The following PLCL2 variants were observed in gnomAD, a reference collection of about 807,000 sequenced individuals.
PLCL2 encodes the protein inactive phospholipase C-like protein 2.
PLCL2 carries 4 observed loss-of-function variants against 79.6 expected under a neutral mutation model. That is an observed-to-expected ratio of 0.05 (90% confidence interval 0.02 to 0.11). The LOEUF (loss-of-function observed/expected upper bound fraction) is 0.11, where lower values mean the gene tolerates loss of function less well. Ranked by LOEUF, PLCL2 falls within the 10% of genes least tolerant of loss-of-function variation. The pLI, the probability that PLCL2 is intolerant of heterozygous loss-of-function variation, is 1.00. For synonymous variants in PLCL2, 484 were observed against 457.7 expected (o/e 1.06, Z -0.73); for missense variants, 895 against 1,291.0 (o/e 0.69, Z 4.70).
At chr3:16,974,636 G>A (rs1359484909) in intron 1 of PLCL2, among the ~76,000 whole-genome samples, 2 of 152,194 alleles carry the variant, frequency 1.3e-5, no homozygotes, top group East Asian at 1.9e-4. Flanking sequence ...CCAGACTTAT[G>A]TTTCCCAAAG....
At chr3:16,956,197 C>T (rs1326602620) in intron 1 of PLCL2, among the ~76,000 whole-genome samples, 2 of 151,904 alleles carry the variant, frequency 1.3e-5, no homozygotes, top group African/African-American at 4.8e-5. Context: ...TTTTGAGATA[C>T]GTCCCATCAA....
chr3:17,041,183 C>T (rs1022994576), intron 3 of PLCL2, among the ~76,000 whole-genome samples: 10 of 152,124 alleles, frequency 6.6e-5, no homozygotes, highest in Non-Finnish European at 8.8e-5. Context: ...CTGTTCAATA[C>T]GTCAAGCTGT....
At chr3:17,042,445 G>T (rs1164913590) in intron 3 of PLCL2, among the ~76,000 whole-genome samples, 1 of 152,182 alleles carries the variant, frequency 6.6e-6, no homozygotes, top group African/African-American at 2.4e-5. Flanking sequence ...CTGAATTTCA[G>T]ATGAAGACAT....
chr3:16,885,338 G>T lies in PLCL2; in HGVS notation c.299G>T (p.Gly100Val). Reference protein sequence around the residue: ...CTLPRESKPGGLPRRSSIIKD... With the variant: ...CTLPRESKPGVLPRRSSIIKD... Reference sequence around the variant, plus strand: ...CTCCCCCGGGAGAGCAAGCCGGGCGGCCTGCCCCGCCGGAGCAGCATCATC... The same window carrying T: ...CTCCCCCGGGAGAGCAAGCCGGGCGTCCTGCCCCGCCGGAGCAGCATCATC... Residue 100 changes from glycine to valine, a missense_variant, in exon 1 of 6, where the codon GGC becomes GTC. By Grantham distance (109) the Gly-to-Val change is moderately radical. Coordinates refer to ENST00000615277, the MANE Select transcript of PLCL2 (RefSeq NM_001144382.2). 3.1e-6 allele frequency: 2 copies of T among 654,106 alleles called. No homozygotes were observed. Among genetic ancestry groups the T allele is most frequent in the Non-Finnish European group, 2.8e-6 (1 of 362,274 alleles). 40.5% of individuals were successfully genotyped at this position (654,106 alleles called of 1,614,324 possible).
chr3:16,926,566 A>G (rs986103200), intron 1 of PLCL2, among the ~76,000 whole-genome samples: 1 of 152,196 alleles, frequency 6.6e-6, no homozygotes, highest in African/African-American at 2.4e-5. Flanking sequence ...GAAACTACTT[A>G]GAGACAAAGC....
chr3:16,989,003 C>T (rs1236207282), intron 1 of PLCL2, among the ~76,000 whole-genome samples: 2 of 147,200 alleles, frequency 1.4e-5, no homozygotes, highest in Admixed American at 6.9e-5. Context: ...ATGTCTATAA[C>T]AGAGCTGTTT....
At chr3:17,002,729 C>T (rs1029691052) in intron 1 of PLCL2, among the ~76,000 whole-genome samples, 2 of 152,122 alleles carry the variant, frequency 1.3e-5, no homozygotes, top group Admixed American at 6.5e-5. Context: ...TTTGTTTTCA[C>T]GTATGTTAGA....
intron 1 of PLCL2, among the ~76,000 whole-genome samples, chr3:16,942,635 A>G (rs1418974967): frequency 2.6e-5 from 4 of 152,056 alleles, no homozygotes; most frequent in Admixed American, 2.6e-4. Context: ...TCATTGTCCT[A>G]TTCTCTTTTT....
At chr3:17,069,970 G>A (rs550381251) in intron 5 of PLCL2, among the ~76,000 whole-genome samples, 2 of 152,164 alleles carry the variant, frequency 1.3e-5, no homozygotes, top group African/African-American at 4.8e-5. Context: ...GGTCAGAGGT[G>A]GGGGGTACAC....
chr3:16,957,983 A>G (rs1177274757), intron 1 of PLCL2, among the ~76,000 whole-genome samples: 3 of 152,196 alleles, frequency 2.0e-5, no homozygotes, highest in South Asian at 4.1e-4. Flanking sequence ...TCTTTATCCA[A>G]TTTGCCAGTC....
chr3:17,022,904 A>G (rs2064471380), intron 3 of PLCL2, among the ~76,000 whole-genome samples: 1 of 152,134 alleles, frequency 6.6e-6, no homozygotes, highest in Non-Finnish European at 1.5e-5. Flanking sequence ...TATTGCATTC[A>G]TTACGTTATT....
intron 1 of PLCL2, among the ~76,000 whole-genome samples, chr3:16,948,489 A>T (rs1031183056): frequency 5.3e-5 from 8 of 152,206 alleles, no homozygotes; most frequent in Non-Finnish European, 1.2e-4. Context: ...AAAGTCATTG[A>T]ATTGTACACT....
intron 1 of PLCL2, among the ~76,000 whole-genome samples, chr3:16,950,336 C>T (rs1201356848): frequency 6.6e-6 from 1 of 152,096 alleles, no homozygotes; most frequent in Non-Finnish European, 1.5e-5. Context: ...TCTTAACAGG[C>T]TTGCATACCA....
chr3:16,922,089 T>C (rs1262241868), intron 1 of PLCL2, among the ~76,000 whole-genome samples: 3 of 152,170 alleles, frequency 2.0e-5, no homozygotes, highest in African/African-American at 7.2e-5. Flanking sequence ...TTTTTAATAG[T>C]TATGAACTTT....
intron 1 of PLCL2, among the ~76,000 whole-genome samples, chr3:16,914,802 A>G (rs1450878435): frequency 6.6e-6 from 1 of 152,002 alleles, no homozygotes; most frequent in African/African-American, 2.4e-5. Flanking sequence ...AGTGGCATGA[A>G]CATAGCAGCC....
rs534706282 is a variant in PLCL2 at position 17,010,615 on chromosome 3, G to A, written c.1269G>A (p.Lys423=). The A allele has an allele frequency of 4.3e-6, 7 of 1,614,000 alleles. No individual in the cohort carries two copies. Among genetic ancestry groups the A allele is most frequent in the East Asian group, 2.2e-5 (1 of 44,872 alleles). ...DCYIFDPEHK[K]VCQDMKQPLS... The stretch of plus-strand genomic sequence containing the variant: ...ATATATTCGATCCAGAACATAAGAA[G>A]GTCTGTCAGGATATGAAGCAACCTC... Residue 423 remains lysine (K), a synonymous_variant, in exon 2 of 6, where the codon AAG becomes AAA. Transcript: ENST00000615277. This position sits in a 1 kb window ranked among gnomAD's most constrained non-coding sequence, Gnocchi z 5.8.
At chr3:16,955,169 G>GTT (rs2063692514) in intron 1 of PLCL2, among the ~76,000 whole-genome samples, 1 of 152,104 alleles carries the variant, frequency 6.6e-6, no homozygotes, top group Admixed American at 6.6e-5. Flanking sequence ...GGTCTAACAT[G>GTT]TAAGTCTTTA....
At chr3:16,903,209 T>C (rs931165118) in intron 1 of PLCL2, among the ~76,000 whole-genome samples, 1 of 152,234 alleles carries the variant, frequency 6.6e-6, no homozygotes, top group African/African-American at 2.4e-5. Flanking sequence ...TATCAGTTCT[T>C]ATCCTGGTAT....
Position 16,887,232 on chromosome 3 carries a change from G to A in PLCL2, c.327+1866G>A, listed in dbSNP as rs1212967055. Among the ~76,000 whole-genome samples, 1 of 152,148 alleles carries A rather than the reference G, an allele frequency of 6.6e-6. No homozygotes were observed. The highest frequency in any genetic ancestry group is 1.9e-4 in the East Asian group (1 of 5,196). Reference sequence around the variant, plus strand: ...TATGTTGAATTCTGAAACTTTTAAGGATATTTTGTCATTTTTCTTCTTTGT... The same window carrying A: ...TATGTTGAATTCTGAAACTTTTAAGAATATTTTGTCATTTTTCTTCTTTGT... On this transcript the variant is annotated intron_variant, in intron 1 of 5. Transcript: ENST00000615277. The surrounding 1 kb of genome is among the most constrained non-coding windows in gnomAD (Gnocchi z 4.1).
Sources: gnomAD v4.1 joint callset for allele counts (sites outside exome capture counted in the v4.1 genomes callset) on GRCh38, gnomAD v4.1.1 for gene constraint, Gnocchi (gnomAD v3.1) non-coding constraint, MANE v1.5 for transcripts, NCBI Gene and HGNC (gene_info 2026-07-23, HGNC 2026-07-21) for gene names.